Variants in TTN observed in about 807,000 individuals in gnomAD.
The protein encoded by TTN is connectin.
In TTN, 1,525 loss-of-function variants were observed where a neutral mutation model predicts 3,223.0. The ratio of observed to expected loss-of-function variants is 0.47; its 90% CI spans 0.45 to 0.49. The LOEUF (loss-of-function observed/expected upper bound fraction) is 0.49. Among genes scored for constraint, TTN ranks in the 20% least tolerant of loss-of-function variants. The pLI is 0.00. For missense variants in TTN, 40,786 were observed against 43,424.0 expected, an observed-to-expected ratio of 0.94 and a Z score of 5.40; for synonymous variants, 14,094 against 15,161.0, an observed-to-expected ratio of 0.93 and a Z score of 5.17.
chr2:178,607,211 T>C lies in TTN; in HGVS notation c.53391A>G (p.Thr17797=). The change falls in exon 278 of 363, where the codon ACA becomes ACG. Residue 17797 remains threonine (T), a synonymous_variant. Coordinates refer to ENST00000589042, the MANE Select transcript of TTN (RefSeq NM_001267550.2). ...CATCTTTTCTTTCAATGATAAAGCCTGTTATTTCACTTCCTCCATCATCTT... is the reference window on the plus strand; with the variant it reads ...CATCTTTTCTTTCAATGATAAAGCCCGTTATTTCACTTCCTCCATCATCTT... ...DPEDDGGSEI[T]GFIIERKDAK... The C allele has an allele frequency of 6.2e-7, 1 of 1,613,072 alleles. No homozygotes were observed. The highest frequency in any genetic ancestry group is 8.5e-7 in the Non-Finnish European group (1 of 1,179,336).
Position 178,706,924 on chromosome 2 carries a change from T to C in TTN, c.29072A>G (p.Lys9691Arg), listed in dbSNP as rs754621492. 9 of 1,611,798 alleles carry C rather than the reference T, an allele frequency of 5.6e-6. No homozygotes were observed. Among genetic ancestry groups the C allele is most frequent in the Non-Finnish European group, 7.6e-6 (9 of 1,178,914 alleles). Reference sequence around the variant, plus strand: ...AAAGAGTCTTCCATCTACCGCAGCTTTCTTGGTTGCTGGGGCCACAGCTGG... The same window carrying C: ...AAAGAGTCTTCCATCTACCGCAGCTCTCTTGGTTGCTGGGGCCACAGCTGG... ...DKPAVAPATK[K>R]AAVDGRLFFV... Residue 9691 changes from lysine (K) to arginine (R), a missense_variant, in exon 101 of 363, where the codon AAA becomes AGA. Coordinates refer to ENST00000589042, the MANE Select transcript of TTN (RefSeq NM_001267550.2).
At position 178,790,978 on chromosome 2, in the gene TTN, G is replaced by C. The variant is rs1048849855; in HGVS notation, c.1663-133C>G. On this transcript the variant is annotated intron_variant, in intron 10 of 362. Coordinates refer to ENST00000589042, the MANE Select transcript of TTN (RefSeq NM_001267550.2). ...AAAATGTCAGATTTCCATTTCAGGGGCCTACACTTGTGCTTAATACATAGA... is the reference window on the plus strand; with the variant it reads ...AAAATGTCAGATTTCCATTTCAGGGCCCTACACTTGTGCTTAATACATAGA... The C allele has an allele frequency of 2.7e-6, 3 of 1,118,004 alleles. No homozygotes were observed. The African/African-American group carries it at 4.7e-5, about 17-fold the overall frequency. The allele number at this position is 1,118,004 out of a possible 1,614,324, so 69.3% of individuals were successfully genotyped here. A position where few individuals can be genotyped will look rare whatever the true frequency, so the allele number is the denominator to read the frequency against.
In TTN at chr2:178,684,949, A is replaced by G. The variant is rs2070450266; in HGVS notation, c.32511T>C (p.Val10837=). 4 of 1,609,280 alleles carry G rather than the reference A, an allele frequency of 2.5e-6. No individual in the cohort carries two copies. The South Asian group carries it at 4.4e-5, about 18-fold the overall frequency. Residue 10837 remains valine (V), a synonymous_variant, in exon 130 of 363, where the codon GTT becomes GTC. Transcript: ENST00000589042. ...APKKIVPEKK[V]PAPVPKKEKV... ...TTTCCTTTTTAGGAACTGGAGCAGG[A>G]ACTTTCTTTTCTGGCACAATTTTCT...
At position 178,651,672 on chromosome 2, in the gene TTN, C is replaced by T. The variant is rs377259883; in HGVS notation, c.39457G>A (p.Val13153Met). 6.2e-6 allele frequency: 10 copies of T among 1,613,192 alleles called. No individual in the cohort carries two copies. In the African/African-American group the frequency reaches 1.1e-4, roughly 17 times the overall value. ...VVAKKPELPP[V>M]KVPEVPKEVV... ...TAGTGGCAGTGAGGAATACCTTTCA[C>T]TGGTGGTAGTTCAGGTTTTTTGGCA... Residue 13153 changes from valine (V) to methionine (M), a missense_variant, in exon 206 of 363, where the codon GTG (valine) becomes ATG (methionine). Physicochemically the swap from Val to Met is conservative, Grantham distance 21. Transcript: ENST00000589042.
Position 178,548,393 on chromosome 2 carries a change from T to C in TTN, c.93233A>G (p.Asn31078Ser). The change falls in exon 339 of 363, where the codon AAT (asparagine) becomes AGT (serine). Residue 31078 changes from asparagine (N) to serine (S), a missense_variant. Transcript: ENST00000589042. This position sits in a 1 kb window ranked among gnomAD's most constrained non-coding sequence, Gnocchi z 4.3. ...GTACGGAACACCTTCGGCCAGGTCA[T>C]TGACCTTGAAGATCTGACGAGTGCA... ...EKCTRQIFKV[N>S]DLAEGVPYYF... The C allele has an allele frequency of 1.2e-6, 2 of 1,613,866 alleles. No individual in the cohort carries two copies. Among genetic ancestry groups the C allele is most frequent in the Non-Finnish European group, 1.7e-6 (2 of 1,179,802 alleles).
In TTN at chr2:178,566,897, C is replaced by T. The variant is rs752040235; in HGVS notation, c.79235G>A (p.Ser26412Asn). ...SMTVCWNRPDSDGGSEIIGYI... is the reference protein window; with the variant it reads ...SMTVCWNRPDNDGGSEIIGYI... ...ACCAATAATCTCACTTCCACCATCA[C>T]TATCTGGACGGTTCCAACAGACGGT... Residue 26412 changes from serine to asparagine, a missense_variant, in exon 326 of 363, where the codon AGT becomes AAT. By Grantham distance (46) the Ser-to-Asn change is conservative. Coordinates refer to ENST00000589042, the MANE Select transcript of TTN (RefSeq NM_001267550.2). The T allele has an allele frequency of 3.1e-6, 5 of 1,613,584 alleles. No individual in the cohort carries two copies. Among genetic ancestry groups the T allele is most frequent in the Non-Finnish European group, 3.4e-6 (4 of 1,179,666 alleles).
In TTN at chr2:178,789,701, T is replaced by G. The variant is rs1574860317; in HGVS notation, c.1939-204A>C. Among the ~76,000 whole-genome samples the G allele has an allele frequency of 1.3e-5, 2 of 152,268 alleles. 1 individual carries two copies. Among genetic ancestry groups the G allele is most frequent in the South Asian group, 4.1e-4 (2 of 4,824 alleles). On this transcript the variant is annotated intron_variant, in intron 12 of 362. Coordinates refer to ENST00000589042, the MANE Select transcript of TTN (RefSeq NM_001267550.2). ...TGTTAGCTATTAAAAAACCTCTAGATGAGTCCCTGTGTCACTTTTTAAAAA... is the reference window on the plus strand; with the variant it reads ...TGTTAGCTATTAAAAAACCTCTAGAGGAGTCCCTGTGTCACTTTTTAAAAA...
Position 178,535,397 on chromosome 2 carries a change from C to T in TTN, c.101218G>A (p.Gly33740Arg), listed in dbSNP as rs536705240. The T allele has an allele frequency of 1.7e-5, 27 of 1,613,898 alleles. 1 individual carries two copies. The African/African-American group carries it at 3.1e-4, about 18-fold the overall frequency. Residue 33740 changes from glycine to arginine, a missense_variant, in exon 358 of 363, where the codon GGA becomes AGA. Transcript: ENST00000589042. ...GTATAACGTGTTTCTCGGGCCTGTC[C>T]TACACGGAGCCATCTTTCTGCAGTA... Reference protein sequence around the residue: ...ATTAERWLRVGQARETRYTVI... With the variant: ...ATTAERWLRVRQARETRYTVI...
At chr2:178,734,180 T>C in intron 52 of TTN, 148 bp downstream of exon 52, 1 of 984,710 alleles carries the variant, frequency 1.0e-6, no homozygotes, top group Non-Finnish European at 1.4e-6. Flanking sequence ...TGAAAGTTAC[T>C]GACTTTGTTC....
At chr2:178,742,544 T>A (rs1055193598) in intron 47 of TTN, among the ~76,000 whole-genome samples, 1 of 152,126 alleles carries the variant, frequency 6.6e-6, no homozygotes, top group African/African-American at 2.4e-5. Flanking sequence ...AATAAGGCAT[T>A]AGCCAAGAAA....
At chr2:178,651,187 TGACTTATTAGAC>T in intron 208 of TTN, 44 bp downstream of exon 208, 1 of 1,416,982 alleles carries the variant, frequency 7.1e-7, no homozygotes, top group Non-Finnish European at 9.8e-7. Context: ...TGATAATAGG[TGACTTATTAGAC>T]AAGGGTGAGT....
rs867216872 is a variant in TTN, at chr2:178,637,183, A to C, written c.40927+186T>G. Among the ~76,000 whole-genome samples the C allele has an allele frequency of 4.6e-5, 6 of 131,192 alleles. 1 individual carries two copies. The highest frequency in any genetic ancestry group is 2.4e-4 in the South Asian group (1 of 4,246). 86.1% of individuals were successfully genotyped at this position (131,192 alleles called of 152,430 possible). A position where few individuals can be genotyped will look rare whatever the true frequency, so the allele number is the denominator to read the frequency against. On this transcript the variant is annotated intron_variant, in intron 224 of 362. Coordinates refer to ENST00000589042, the MANE Select transcript of TTN (RefSeq NM_001267550.2). ...TATATATATATATATATATATATATATATATATCTCCTTGCATAATACTAA... is the reference window on the plus strand; with the variant it reads ...TATATATATATATATATATATATATCTATATATCTCCTTGCATAATACTAA...
rs1333352802 is a variant in TTN, at chr2:178,555,254, TAC to T, written c.88307-104_88307-103del. 9 of 1,033,070 alleles carry T rather than the reference TAC, an allele frequency of 8.7e-6. No homozygotes were observed. The East Asian group carries it at 1.8e-4, about 20-fold the overall frequency. The allele number at this position is 1,033,070 out of a possible 1,614,324, so 64.0% of individuals were successfully genotyped here. A position where few individuals can be genotyped will look rare whatever the true frequency, so the allele number is the denominator to read the frequency against. On this transcript the variant is annotated intron_variant, in intron 330 of 362. Coordinates refer to ENST00000589042, the MANE Select transcript of TTN (RefSeq NM_001267550.2). ...AAGGTCATTGGCCATTATTAAATTA[TAC>T]ACACACACCATCATTATAATTCTAT...
At chr2:178,736,127 T>A in intron 49 of TTN, 53 bp from the exon 50 acceptor site, 1 of 1,456,240 alleles carries the variant, frequency 6.9e-7, no homozygotes, top group Admixed American at 2.3e-5. Flanking sequence ...AAGCACTTGC[T>A]GTAATTATAT....
At position 178,785,859 on chromosome 2, in the gene TTN, T is replaced by C. The variant is rs397517522; in HGVS notation, c.2359A>G (p.Ile787Val). 1 of 1,614,134 alleles carries C rather than the reference T, an allele frequency of 6.2e-7. No individual in the cohort carries two copies. The highest frequency in any genetic ancestry group is 2.2e-5 in the East Asian group (1 of 44,868). ...AGGTATAGACTCACCTGTGATGATATGTGCATTCCCTTTTGATCAGTAGTT... is the reference window on the plus strand; with the variant it reads ...AGGTATAGACTCACCTGTGATGATACGTGCATTCCCTTTTGATCAGTAGTT... ...IKTTDQKGMH[I>V]SSQIKKTTDL... Residue 787 changes from isoleucine (I) to valine (V), a missense_variant, in exon 14 of 363, where the codon ATA (isoleucine) becomes GTA (valine). Physicochemically the swap from Ile to Val is conservative, Grantham distance 29 (BLOSUM62 3). Coordinates refer to ENST00000589042, the MANE Select transcript of TTN (RefSeq NM_001267550.2).
chr2:178,757,988 A>G, intron 44 of TTN, 72 bp from the exon 45 acceptor site: 1 of 1,460,426 alleles, frequency 6.8e-7, no homozygotes, highest in African/African-American at 1.4e-5. Flanking sequence ...AGTTGTCTAC[A>G]GATTTGTCAC....
chr2:178,663,138 T>C lies in TTN; in HGVS notation c.36701-83A>G. Reference sequence around the variant, plus strand: ...CATATAAACACCCACCAAGATATTTTGGATAGCGATTGACATTTGTTTTCT... The same window carrying C: ...CATATAAACACCCACCAAGATATTTCGGATAGCGATTGACATTTGTTTTCT... On this transcript the variant is annotated intron_variant, in intron 173 of 362. Coordinates refer to ENST00000589042, the MANE Select transcript of TTN (RefSeq NM_001267550.2). 3.7e-6 allele frequency: 6 copies of C among 1,609,182 alleles called. No homozygotes were observed. The South Asian group carries it at 6.6e-5, about 18-fold the overall frequency.
chr2:178,695,504 T>C lies in TTN; in HGVS notation c.31208-94A>G, dbSNP rs2073519256. 6.2e-6 allele frequency: 6 copies of C among 968,344 alleles called. No homozygotes were observed. The South Asian group carries it at 7.6e-5, about 12-fold the overall frequency. 60.0% of individuals were successfully genotyped at this position (968,344 alleles called of 1,614,324 possible). On this transcript the variant is annotated intron_variant, in intron 114 of 362. Transcript: ENST00000589042. ...AATGAGATAAGGTAAGGATAATATATAATCGTGTGAAGTATTATATTTGGG... is the reference window on the plus strand; with the variant it reads ...AATGAGATAAGGTAAGGATAATATACAATCGTGTGAAGTATTATATTTGGG...
In TTN at chr2:178,630,240, C is replaced by G; in HGVS notation, c.44281+1G>C. On this transcript the variant is annotated splice_donor_variant, in intron 239 of 362. Coordinates refer to ENST00000589042, the MANE Select transcript of TTN (RefSeq NM_001267550.2). LOFTEE classifies it high-confidence loss of function. Reference sequence around the variant, plus strand: ...TTCCCTGAAAAATATACAATACTTACGCTTAACTCGGAGGTGGGCACTAGA... The same window carrying G: ...TTCCCTGAAAAATATACAATACTTAGGCTTAACTCGGAGGTGGGCACTAGA... 1 of 1,612,768 alleles carries G rather than the reference C, an allele frequency of 6.2e-7. No individual in the cohort carries two copies. Among genetic ancestry groups the G allele is most frequent in the Non-Finnish European group, 8.5e-7 (1 of 1,179,306 alleles).
Sources: allele counts gnomAD v4.1 joint callset (sites outside exome capture counted in the v4.1 genomes callset), GRCh38; gene constraint gnomAD v4.1.1; non-coding constraint Gnocchi (gnomAD v3.1); transcripts MANE v1.5; gene names NCBI Gene and HGNC (gene_info 2026-07-23, HGNC 2026-07-21).